Variants in GPC6 observed in about 807,000 individuals in gnomAD.
The protein encoded by GPC6 is glypican 6, also known as glypican-6.
In GPC6, 14 loss-of-function variants were observed where a neutral mutation model predicts 55.2. The observed-to-expected ratio is 0.25, with a 90% CI of 0.17 to 0.40. GPC6 has a LOEUF of 0.40. Ranked by LOEUF, GPC6 falls within the 10% of genes least tolerant of loss-of-function variation. The probability of loss-of-function intolerance (pLI) is 1.00; values close to 1 mark genes in which losing one functional copy is unlikely to be tolerated. For missense variants in GPC6, 641 were observed against 708.5 expected, an observed-to-expected ratio of 0.90 and a Z score of 1.08; for synonymous variants, 278 against 259.6, an observed-to-expected ratio of 1.07 and a Z score of -0.68.
chr13:93,537,952 A>T (rs928153664), intron 1 of GPC6, among the ~76,000 whole-genome samples: 1 of 152,204 alleles, frequency 6.6e-6, no homozygotes, highest in African/African-American at 2.4e-5. Context: ...AAAAATCTCA[A>T]AAAATATAAT....
chr13:93,555,638 A>G (rs1875421947), intron 2 of GPC6, among the ~76,000 whole-genome samples: 1 of 152,194 alleles, frequency 6.6e-6, no homozygotes, highest in Non-Finnish European at 1.5e-5. Context: ...CTTTACTTAG[A>G]GTAAAGCAAG....
intron 2 of GPC6, among the ~76,000 whole-genome samples, chr13:93,589,156 T>C (rs1460332167): frequency 6.6e-6 from 1 of 150,832 alleles, no homozygotes. Flanking sequence ...ACCCTTAATC[T>C]AGATTCCCTA....
intron 2 of GPC6, among the ~76,000 whole-genome samples, chr13:93,558,284 G>A (rs548913589): frequency 2.6e-5 from 4 of 152,142 alleles, no homozygotes; most frequent in South Asian, 4.1e-4. Context: ...CCTCATCACT[G>A]TCATAGTGCT....
intron 1 of GPC6, among the ~76,000 whole-genome samples, chr13:93,399,061 G>C (rs61965695): frequency 1.2e-3 from 184 of 150,742 alleles, no homozygotes; most frequent in Admixed American, 3.5e-3. Context: ...CACACACACA[G>C]ACACACACAC....
chr13:93,380,901 A>G (rs962697711), intron 1 of GPC6, among the ~76,000 whole-genome samples: 1 of 152,120 alleles, frequency 6.6e-6, no homozygotes, highest in African/African-American at 2.4e-5. Context: ...ATGCTCATTG[A>G]TTTGTCTCCA....
intron 2 of GPC6, among the ~76,000 whole-genome samples, chr13:93,571,344 A>G (rs112921894): frequency 1.3e-5 from 2 of 152,306 alleles, no homozygotes; most frequent in African/African-American, 4.8e-5. Flanking sequence ...ATGAGAATTA[A>G]ATTTAGAATG....
intron 2 of GPC6, among the ~76,000 whole-genome samples, chr13:93,820,552 T>A (rs553813529): frequency 6.6e-6 from 1 of 152,060 alleles, no homozygotes; most frequent in Non-Finnish European, 1.5e-5. Context: ...TTGATAGTTT[T>A]TGTAAGATGT....
chr13:93,904,168 G>C (rs1330467), intron 3 of GPC6, among the ~76,000 whole-genome samples: 100,606 of 151,960 alleles, frequency 0.66, 33,904 homozygotes, highest in East Asian at 0.81. Flanking sequence ...ATCCTGGGCT[G>C]TCACCACGTC....
At chr13:94,014,666 A>G (rs1882389690) in intron 3 of GPC6, among the ~76,000 whole-genome samples, 1 of 152,146 alleles carries the variant, frequency 6.6e-6, no homozygotes, top group Non-Finnish European at 1.5e-5. Flanking sequence ...ATCAGCAGTC[A>G]TTCTCCAGCC....
intron 1 of GPC6, among the ~76,000 whole-genome samples, chr13:93,384,405 G>A (rs1238584121): frequency 6.7e-6 from 1 of 149,536 alleles, no homozygotes; most frequent in Non-Finnish European, 1.5e-5. Flanking sequence ...TTAAAAAAAA[G>A]GCAAAACAAA....
intron 4 of GPC6, chr13:94,187,728 AGG>A: frequency 6.6e-6 from 1 of 151,836 alleles, no homozygotes; most frequent in Non-Finnish European, 1.5e-5. Flanking sequence ...TCCAGTGGAA[AGG>A]AAAAGACCAA....
At chr13:93,234,179 T>C (rs917677103) in intron 1 of GPC6, among the ~76,000 whole-genome samples, 2 of 152,154 alleles carry the variant, frequency 1.3e-5, no homozygotes, top group Non-Finnish European at 2.9e-5. Flanking sequence ...GCCTGGGTCA[T>C]AATGCCCTTC....
At chr13:94,258,551 A>G (rs1891567008) in intron 4 of GPC6, among the ~76,000 whole-genome samples, 1 of 152,160 alleles carries the variant, frequency 6.6e-6, no homozygotes, top group Admixed American at 6.5e-5. Flanking sequence ...TGCTCCCACA[A>G]AGGTTTTCAG....
chr13:93,732,277 G>A (rs1883851987), intron 2 of GPC6, among the ~76,000 whole-genome samples: 1 of 152,092 alleles, frequency 6.6e-6, no homozygotes, highest in African/African-American at 2.4e-5. Flanking sequence ...AAGACATTTT[G>A]TGCATCAGCA....
At chr13:93,908,657 C>A (rs1456233529) in intron 3 of GPC6, among the ~76,000 whole-genome samples, 1 of 152,128 alleles carries the variant, frequency 6.6e-6, no homozygotes, top group African/African-American at 2.4e-5. Context: ...ATTTGACTTA[C>A]CTAACTCATT....
Position 93,453,795 on chromosome 13 carries a change from C to T in GPC6, c.161-91468C>T, listed in dbSNP as rs1878321337. 2.0e-5 allele frequency among the ~76,000 whole-genome samples: 3 copies of T among 151,926 alleles called. No homozygotes were observed. The South Asian group carries it at 6.3e-4, about 32-fold the overall frequency. ...CAGACCTTCGCGGTGATTGTTACAG[C>T]TCATAAAAGCAGCGTGGACCCAAAC... On this transcript the variant is annotated intron_variant, in intron 1 of 8. Coordinates refer to ENST00000377047, the MANE Select transcript of GPC6 (RefSeq NM_005708.5).
intron 3 of GPC6, among the ~76,000 whole-genome samples, chr13:93,871,236 A>G (rs1207840276): frequency 6.6e-6 from 1 of 151,916 alleles, no homozygotes; most frequent in East Asian, 2.0e-4. Context: ...TTATTTAAAT[A>G]CTCAGAGCTC....
chr13:93,678,197 T>C lies in GPC6; in HGVS notation c.319+132776T>C, dbSNP rs1032318823. On this transcript the variant is annotated intron_variant, in intron 2 of 8. Transcript: ENST00000377047. ...AAGATACCATAATATGCATACCCTT[T>C]CACAACTTTTTTCTAAGGTGGCTTT... 4.6e-5 allele frequency among the ~76,000 whole-genome samples: 7 copies of C among 152,172 alleles called. No homozygotes were observed. The East Asian group carries it at 1.3e-3, about 29-fold the overall frequency.
At chr13:93,640,663 T>G (rs1398683278) in intron 2 of GPC6, among the ~76,000 whole-genome samples, 1 of 151,682 alleles carries the variant, frequency 6.6e-6, no homozygotes, top group Non-Finnish European at 1.5e-5. Flanking sequence ...GCAAATATTT[T>G]TTTTCTTTTT....
Sources: gnomAD v4.1 joint callset for allele counts (sites outside exome capture counted in the v4.1 genomes callset) on GRCh38, gnomAD v4.1.1 for gene constraint, MANE v1.5 for transcripts, NCBI Gene and HGNC (gene_info 2026-07-23, HGNC 2026-07-21) for gene names.